The following ZNF503 variants were observed in gnomAD, a reference collection of about 807,000 sequenced individuals.
The protein encoded by ZNF503 is zinc finger protein 503, also known as NocA-like zinc finger 2.
In ZNF503, 15 loss-of-function variants were observed where a neutral mutation model predicts 34.4. That is an observed-to-expected ratio of 0.44 (90% CI 0.29 to 0.67). The LOEUF (loss-of-function observed/expected upper bound fraction) is 0.67, where lower values mean the gene tolerates loss of function less well. ZNF503 is among the 30% of genes least tolerant of loss of function. The pLI is 0.13. For synonymous variants in ZNF503, 580 were observed against 456.8 expected (o/e 1.27, Z -3.44); for missense variants, 1,007 against 926.8 (o/e 1.09, Z -1.12).
Position 75,400,148 on chromosome 10 carries a change from G to C in ZNF503, c.542C>G (p.Pro181Arg). The change falls in exon 2 of 2, where the codon CCC (proline) becomes CGC (arginine). Residue 181 changes from proline (P) to arginine (R), a missense_variant. By Grantham distance (103) the Pro-to-Arg change is moderately radical. Transcript: ENST00000372524. ...TCCCGGCTCCTTCTTATCCGAGCCG[G>C]GTTTGGAGTACGGCTTGAAACTCGA... Reference protein sequence around the residue: ...DKSSFKPYSKPGSDKKEPGGG... With the variant: ...DKSSFKPYSKRGSDKKEPGGG... 1 of 1,558,360 alleles carries C rather than the reference G, an allele frequency of 6.4e-7. No homozygotes were observed. Among genetic ancestry groups the C allele is most frequent in the African/African-American group, 1.4e-5 (1 of 73,564 alleles).
At chr10:75,288,051 G>A in the ZNF503 span, among the ~76,000 whole-genome samples, 1 of 152,224 alleles carries the variant, frequency 6.6e-6, no homozygotes, top group African/African-American at 2.4e-5. Flanking sequence ...GGATGGCTCT[G>A]ACATTCCAGC....
chr10:75,321,266 C>T, the ZNF503 span, among the ~76,000 whole-genome samples: 1 of 152,168 alleles, frequency 6.6e-6, no homozygotes, highest in Non-Finnish European at 1.5e-5. Flanking sequence ...CCTGCAGAAC[C>T]ATGAATCAGT....
chr10:75,363,769 C>T, the ZNF503 span, among the ~76,000 whole-genome samples: 1 of 152,224 alleles, frequency 6.6e-6, no homozygotes, highest in Non-Finnish European at 1.5e-5. Context: ...AGCTGTTTTA[C>T]ATATAAGCAC....
At position 75,401,744 on chromosome 10, in the gene ZNF503, T is replaced by G; in HGVS notation, c.-325A>C. 2.8e-6 allele frequency: 1 copy of G among 357,522 alleles called. No homozygotes were observed. The highest frequency in any genetic ancestry group is 5.0e-6 in the Non-Finnish European group (1 of 199,822). The allele number at this position is 357,522 out of a possible 1,614,324, so 22.1% of individuals were successfully genotyped here. On this transcript the variant is annotated 5_prime_UTR_variant, in exon 1 of 2. Transcript: ENST00000372524. The stretch of plus-strand genomic sequence containing the variant: ...CGCTGCGCTCTGCGATGCGAGCCGC[T>G]GCGTGTCCAGCCGGGGCTCTGGCGA...
At chr10:75,383,261 T>C in the ZNF503 span, among the ~76,000 whole-genome samples, 1 of 152,146 alleles carries the variant, frequency 6.6e-6, no homozygotes, top group Non-Finnish European at 1.5e-5. Context: ...CACCCATCCA[T>C]CTAGGGCTGG....
At chr10:75,376,980 G>C in the ZNF503 span, among the ~76,000 whole-genome samples, 4 of 152,314 alleles carry the variant, frequency 2.6e-5, no homozygotes, top group African/African-American at 9.6e-5. Context: ...TGGGGATACA[G>C]AGCCAAACTA....
chr10:75,341,983 C>T, the ZNF503 span, among the ~76,000 whole-genome samples: 2 of 152,140 alleles, frequency 1.3e-5, no homozygotes. Flanking sequence ...TCTTGGTTGT[C>T]TTGCTGAAAT....
At chr10:75,394,036 G>C (rs1213905757), downstream of ZNF503, among the ~76,000 whole-genome samples, 1 of 152,154 alleles carries the variant, frequency 6.6e-6, no homozygotes, top group Non-Finnish European at 1.5e-5. Context: ...AACTTCATCA[G>C]GCAAGAGCAG....
At chr10:75,395,208 C>T (rs916118840), downstream of ZNF503, among the ~76,000 whole-genome samples, 34 of 152,188 alleles carry the variant, frequency 2.2e-4, no homozygotes, top group African/African-American at 8.0e-4. This position sits in a 1 kb window ranked among gnomAD's most constrained non-coding sequence, Gnocchi z 4.4. Context: ...GTGGGAGCTC[C>T]CCAGGTTGGG....
rs1023729952 is a variant in ZNF503 at position 75,398,445 on chromosome 10, T to A, written c.*304A>T. 3 of 269,322 alleles carry A rather than the reference T, an allele frequency of 1.1e-5. No individual in the cohort carries two copies. The highest frequency in any genetic ancestry group is 6.6e-5 in the African/African-American group (3 of 45,674). 16.7% of individuals were successfully genotyped at this position (269,322 alleles called of 1,614,324 possible). On this transcript the variant is annotated 3_prime_UTR_variant, in exon 2 of 2. Coordinates refer to ENST00000372524, the MANE Select transcript of ZNF503 (RefSeq NM_032772.6). Reference sequence around the variant, plus strand: ...ATAAATAAATACCAGTGTCCACCGATGCAGTCCTCAGATGAACACTTTCTC... The same window carrying A: ...ATAAATAAATACCAGTGTCCACCGAAGCAGTCCTCAGATGAACACTTTCTC...
the ZNF503 span, among the ~76,000 whole-genome samples, chr10:75,304,119 C>A: frequency 1.3e-5 from 2 of 152,202 alleles, no homozygotes; most frequent in African/African-American, 4.8e-5. Flanking sequence ...CAGGCGTGAG[C>A]CACCACGCCT....
chr10:75,388,410 T>C, the ZNF503 span, among the ~76,000 whole-genome samples: 1 of 152,122 alleles, frequency 6.6e-6, no homozygotes, highest in East Asian at 1.9e-4. Context: ...TGGGAGCCAG[T>C]AGGAGCTGAT....
chr10:75,319,492 CAA>C, the ZNF503 span, among the ~76,000 whole-genome samples: 1 of 152,090 alleles, frequency 6.6e-6, no homozygotes, highest in South Asian at 2.1e-4. Flanking sequence ...AAAAGCTATA[CAA>C]AGAGTTACTC....
chr10:75,309,756 A>G, the ZNF503 span, among the ~76,000 whole-genome samples: 313 of 152,274 alleles, frequency 2.1e-3, 1 homozygote, highest in African/African-American at 6.9e-3. Flanking sequence ...CTGAGAGATG[A>G]CTATATTTTT....
chr10:75,333,234 T>C, the ZNF503 span, among the ~76,000 whole-genome samples: 1 of 86,188 alleles, frequency 1.2e-5, no homozygotes, highest in Non-Finnish European at 2.3e-5. Context: ...GCAGGGGGGC[T>C]GACCCCCCCC....
the ZNF503 span, among the ~76,000 whole-genome samples, chr10:75,378,988 C>G: frequency 6.6e-6 from 1 of 152,086 alleles, no homozygotes; most frequent in Non-Finnish European, 1.5e-5. Flanking sequence ...CCTCTCCACA[C>G]CCCCCAAACC....
At chr10:75,305,077 T>G in the ZNF503 span, among the ~76,000 whole-genome samples, 1 of 152,146 alleles carries the variant, frequency 6.6e-6, no homozygotes, top group Non-Finnish European at 1.5e-5. Context: ...TTAAAAATAT[T>G]ATCATAAATA....
At chr10:75,341,397 C>T in the ZNF503 span, among the ~76,000 whole-genome samples, 2 of 152,116 alleles carry the variant, frequency 1.3e-5, no homozygotes, top group Admixed American at 1.3e-4. Flanking sequence ...AAAATGTTAA[C>T]AGTGTTTGAG....
At chr10:75,306,111 C>T in the ZNF503 span, among the ~76,000 whole-genome samples, 8 of 152,126 alleles carry the variant, frequency 5.3e-5, no homozygotes, top group Non-Finnish European at 8.8e-5. Context: ...GAGAAACTGC[C>T]TTAATGTTTT....
Sources: gnomAD v4.1 joint callset for allele counts (sites outside exome capture counted in the v4.1 genomes callset) on GRCh38, gnomAD v4.1.1 for gene constraint, Gnocchi (gnomAD v3.1) non-coding constraint, MANE v1.5 for transcripts, NCBI Gene and HGNC (gene_info 2026-07-23, HGNC 2026-07-21) for gene names.